CDH18: variants seen among roughly 807,000 people sequenced by gnomAD.
CDH18 encodes cadherin-18.
Under a neutral mutation model 67.9 loss-of-function variants are expected in CDH18, and 31 were observed. The ratio of observed to expected loss-of-function variants is 0.46; its 90% confidence interval spans 0.34 to 0.62. The LOEUF is 0.62. CDH18 is among the 20% of genes least tolerant of loss of function. The pLI, the probability that CDH18 is intolerant of heterozygous loss-of-function variation, is 0.01. For synonymous variants in CDH18, 362 were observed against 347.2 expected, an observed-to-expected ratio of 1.04 and a Z score of -0.48; for missense variants, 890 against 975.5, an observed-to-expected ratio of 0.91 and a Z score of 1.17.
In CDH18 at chr5:20,257,172, T is replaced by C. The variant is rs1198038835; in HGVS notation, c.-579-1667A>G. ...ATATCTGATGTAACTGATTTCCAAG[T>C]TTAATTCCAGGAACTAGTGATGATA... On this transcript the variant is annotated intron_variant, in intron 1 of 14. Coordinates refer to the CDH18 transcript ENST00000507958. 2.0e-5 allele frequency among the ~76,000 whole-genome samples: 3 copies of C among 152,150 alleles called. No homozygotes were observed. In the East Asian group the frequency reaches 5.8e-4, roughly 29 times the overall value.
intron 5 of CDH18, among the ~76,000 whole-genome samples, chr5:19,673,482 ATAAAAAATAAAATCTTTAAAG>A (rs1759040790): frequency 6.6e-6 from 1 of 152,074 alleles, no homozygotes; most frequent in Admixed American, 6.6e-5. Context: ...ACCTTCAAAA[ATAAAAAATAAAATCTTTAAAG>A]TAAACTAACG....
chr5:20,131,068 T>A (rs981792972), intron 2 of CDH18, among the ~76,000 whole-genome samples: 8 of 152,048 alleles, frequency 5.3e-5, no homozygotes, highest in South Asian at 2.1e-4. Flanking sequence ...ATTTAAAAAA[T>A]TTTTTACCTT....
intron 2 of CDH18, among the ~76,000 whole-genome samples, chr5:20,110,255 C>T (rs991832828): frequency 2.6e-5 from 4 of 152,196 alleles, no homozygotes; most frequent in African/African-American, 9.7e-5. Flanking sequence ...AACTCTTGGT[C>T]ATCTTTAGAG....
intron 2 of CDH18, among the ~76,000 whole-genome samples, chr5:20,007,444 T>C (rs1380387951): frequency 6.6e-6 from 1 of 152,066 alleles, no homozygotes; most frequent in African/African-American, 2.4e-5. Context: ...AATAAATATA[T>C]AATTTTGAGA....
chr5:20,356,870 C>CTA (rs145257142), intron 1 of CDH18, among the ~76,000 whole-genome samples: 1 of 148,470 alleles, frequency 6.7e-6, no homozygotes. Flanking sequence ...TACATATATA[C>CTA]TATATATATA....
chr5:19,905,520 G>T (rs969991450), intron 2 of CDH18, among the ~76,000 whole-genome samples: 2 of 151,572 alleles, frequency 1.3e-5, no homozygotes, highest in African/African-American at 4.8e-5. Flanking sequence ...ATATGTATAC[G>T]TATGATTAGT....
chr5:19,946,510 T>C (rs1054684217), intron 2 of CDH18, among the ~76,000 whole-genome samples: 1 of 152,150 alleles, frequency 6.6e-6, no homozygotes, highest in African/African-American at 2.4e-5. Flanking sequence ...CATCATCTGA[T>C]ATGGTGCTAA....
At chr5:19,776,237 G>C (rs1280984753) in intron 3 of CDH18, among the ~76,000 whole-genome samples, 1 of 152,114 alleles carries the variant, frequency 6.6e-6, no homozygotes, top group Non-Finnish European at 1.5e-5. Context: ...ATAATTGTTA[G>C]GATCTAAGGA....
chr5:19,647,750 C>T (rs1261119165), intron 5 of CDH18, among the ~76,000 whole-genome samples: 4 of 151,986 alleles, frequency 2.6e-5, no homozygotes, highest in African/African-American at 9.7e-5. Flanking sequence ...ACTTCATACT[C>T]ACCCTGCGTT....
chr5:19,699,496 T>C (rs1762935885), intron 5 of CDH18, among the ~76,000 whole-genome samples: 1 of 152,080 alleles, frequency 6.6e-6, no homozygotes, highest in African/African-American at 2.4e-5. Flanking sequence ...TTGTTAGTAT[T>C]TGTAGATGGG....
At chr5:20,333,530 C>T (rs34842974) in intron 1 of CDH18, among the ~76,000 whole-genome samples, 38,341 of 128,926 alleles carry the variant, frequency 0.3, 5,453 homozygotes, top group East Asian at 0.67. Flanking sequence ...AATATATATA[C>T]ACACACACAC....
At chr5:20,458,982 C>T (rs146814172) in intron 1 of CDH18, among the ~76,000 whole-genome samples, 1 of 152,018 alleles carries the variant, frequency 6.6e-6, no homozygotes, top group African/African-American at 2.4e-5. Flanking sequence ...TCTAAAAAAA[C>T]CAATTTCCTA....
At chr5:20,085,770 A>G (rs1213080267) in intron 2 of CDH18, among the ~76,000 whole-genome samples, 2 of 152,160 alleles carry the variant, frequency 1.3e-5, no homozygotes, top group Non-Finnish European at 2.9e-5. Flanking sequence ...CTATCATGAG[A>G]ACAGCATGAG....
At chr5:19,811,160 AGGAG>A (rs752776618) in intron 3 of CDH18, among the ~76,000 whole-genome samples, 220 of 12,838 alleles carry the variant, frequency 0.017, 6 homozygotes, top group Middle Eastern at 0.077. Context: ...GAAAGAAAGA[AGGAG>A]AGAAAGAAAG....
intron 2 of CDH18, among the ~76,000 whole-genome samples, chr5:20,175,229 G>T (rs1386573484): frequency 6.6e-6 from 1 of 151,984 alleles, no homozygotes; most frequent in African/African-American, 2.4e-5. Flanking sequence ...AGAGAGGAAA[G>T]AGAGCAGGAG....
chr5:20,331,672 G>A (rs1428632337), intron 1 of CDH18, among the ~76,000 whole-genome samples: 1 of 152,054 alleles, frequency 6.6e-6, no homozygotes, highest in Non-Finnish European at 1.5e-5. Context: ...TTATTGACAA[G>A]GTAATCTTTG....
chr5:19,721,535 A>G, intron 4 of CDH18, 69 bp from the exon 5 acceptor site: 1 of 1,455,420 alleles, frequency 6.9e-7, no homozygotes. Flanking sequence ...GAACACAGAA[A>G]ATGGGTATGC....
intron 5 of CDH18, among the ~76,000 whole-genome samples, chr5:19,625,182 A>G (rs1751342759): frequency 6.6e-6 from 1 of 152,166 alleles, no homozygotes; most frequent in Admixed American, 6.5e-5. Context: ...CCTCAGTAAT[A>G]CTGGCCCCAG....
intron 2 of CDH18, among the ~76,000 whole-genome samples, chr5:20,241,776 C>T (rs2126548737): frequency 6.6e-6 from 1 of 150,612 alleles, no homozygotes; most frequent in Admixed American, 6.6e-5. Flanking sequence ...GGCGTGAACC[C>T]GGAAGGCGGG....
Sources: gnomAD v4.1 joint callset for allele counts (sites outside exome capture counted in the v4.1 genomes callset) on GRCh38, gnomAD v4.1.1 for gene constraint, MANE v1.5 for transcripts, NCBI Gene and HGNC (gene_info 2026-07-23, HGNC 2026-07-21) for gene names.